Variants in ATP9B observed in about 807,000 individuals in gnomAD.
ATP9B encodes the protein ATPase phospholipid transporting 9B, also known as probable phospholipid-transporting ATPase IIB.
A neutral mutation model predicts 146.1 loss-of-function variants in ATP9B; 110 were observed. That is an observed-to-expected ratio of 0.75 (90% confidence interval 0.65 to 0.88). The LOEUF (loss-of-function observed/expected upper bound fraction) is 0.88, where lower values mean the gene tolerates loss of function less well. ATP9B is among the 40% of genes least tolerant of loss of function. The pLI is 0.00. For missense variants in ATP9B, 1,499 were observed against 1,496.4 expected, an observed-to-expected ratio of 1.00 and a Z score of -0.03; for synonymous variants, 604 against 569.7, an observed-to-expected ratio of 1.06 and a Z score of -0.86.
chr18:79,176,767 T>G (rs970315248), intron 7 of ATP9B, 46 bp from the exon 8 acceptor site: 1 of 1,535,118 alleles, frequency 6.5e-7, no homozygotes, highest in Non-Finnish European at 9.0e-7. Context: ...GGAAAAACCT[T>G]CTGTAACAAT....
chr18:79,306,740 G>C lies in ATP9B; in HGVS notation c.1525-246G>C, dbSNP rs533029356. ...TGAATACAGTAAAAATAAATTGTCAGATTTTTAAGTAGTATAGTGAATATT... is the reference window on the plus strand; with the variant it reads ...TGAATACAGTAAAAATAAATTGTCACATTTTTAAGTAGTATAGTGAATATT... On this transcript the variant is annotated intron_variant, in intron 14 of 29. Coordinates refer to ENST00000426216, the MANE Select transcript of ATP9B (RefSeq NM_198531.5). Among the ~76,000 whole-genome samples the C allele has an allele frequency of 4.6e-5, 7 of 152,260 alleles. 1 individual carries two copies. The highest frequency in any genetic ancestry group is 1.7e-4 in the African/African-American group (7 of 41,542).
intron 11 of ATP9B, among the ~76,000 whole-genome samples, chr18:79,249,508 CGTAATTACT>C (rs1327225052): frequency 2.3e-4 from 35 of 152,164 alleles, no homozygotes; most frequent in African/African-American, 8.4e-4. Flanking sequence ...CTTAAATAGT[CGTAATTACT>C]TCAAGTGATT....
chr18:79,300,381 G>A (rs1599764549), intron 13 of ATP9B, among the ~76,000 whole-genome samples: 2 of 152,138 alleles, frequency 1.3e-5, no homozygotes, highest in East Asian at 3.9e-4. Context: ...GCAAAGTGAG[G>A]AGGCTGAGTG....
rs1176620096 is a variant in ATP9B, at chr18:79,329,315, G to A, written c.1935+13G>A. On this transcript the variant is annotated intron_variant, in intron 16 of 29. Coordinates refer to ENST00000426216, the MANE Select transcript of ATP9B (RefSeq NM_198531.5). ...CGTCATCGTCAGGGTGAGGCTGCGG[G>A]GAGGGTGCCACGCGATGGCTTCAGA... is the stretch of plus-strand genomic sequence containing the variant. 1.3e-6 allele frequency: 2 copies of A among 1,579,700 alleles called. No individual in the cohort carries two copies. Among genetic ancestry groups the A allele is most frequent in the African/African-American group, 1.4e-5 (1 of 73,522 alleles).
At chr18:79,098,268 C>G (rs1388048223) in intron 2 of ATP9B, among the ~76,000 whole-genome samples, 2 of 151,510 alleles carry the variant, frequency 1.3e-5, no homozygotes, top group Non-Finnish European at 2.9e-5. Flanking sequence ...AGACCTAAAA[C>G]CATAAAAACC....
chr18:79,190,941 C>G (rs932430416), intron 8 of ATP9B, among the ~76,000 whole-genome samples: 2 of 152,100 alleles, frequency 1.3e-5, no homozygotes, highest in Non-Finnish European at 2.9e-5. Flanking sequence ...TTGTTCCTTA[C>G]CATTCCTTCT....
intron 1 of ATP9B, among the ~76,000 whole-genome samples, chr18:79,090,341 A>G (rs1263582173): frequency 6.6e-6 from 1 of 152,168 alleles, no homozygotes; most frequent in Non-Finnish European, 1.5e-5. Context: ...TTTTTTAGGA[A>G]CTTTCAAACT....
chr18:79,254,915 A>C (rs1217799654), intron 12 of ATP9B: 1 of 152,228 alleles, frequency 6.6e-6, no homozygotes, highest in Non-Finnish European at 1.5e-5. Flanking sequence ...ACTTGCTATC[A>C]TAGCAGCCTA....
At chr18:79,287,584 T>G (rs1172890183) in intron 13 of ATP9B, among the ~76,000 whole-genome samples, 1 of 151,408 alleles carries the variant, frequency 6.6e-6, no homozygotes, top group Non-Finnish European at 1.5e-5. Context: ...GATTCATTAA[T>G]TTTTTGAAGG....
intron 1 of ATP9B, among the ~76,000 whole-genome samples, chr18:79,079,418 CAT>C (rs1290170515): frequency 1.3e-5 from 2 of 152,110 alleles, no homozygotes; most frequent in Admixed American, 6.6e-5. Flanking sequence ...AGCTTTTCTT[CAT>C]ATGTTTGTCG....
chr18:79,290,555 C>T (rs554734662), intron 13 of ATP9B, among the ~76,000 whole-genome samples: 1 of 152,340 alleles, frequency 6.6e-6, no homozygotes, highest in East Asian at 1.9e-4. Flanking sequence ...ACTCCCTGAC[C>T]CTTGCTCTTC....
intron 15 of ATP9B, among the ~76,000 whole-genome samples, chr18:79,315,787 T>C (rs1214502327): frequency 6.6e-6 from 1 of 152,262 alleles, no homozygotes; most frequent in Non-Finnish European, 1.5e-5. Flanking sequence ...AGTGCAAGTG[T>C]GTAAACAAAT....
At chr18:79,351,996 G>A (rs2096924852) in intron 25 of ATP9B, among the ~76,000 whole-genome samples, 1 of 152,100 alleles carries the variant, frequency 6.6e-6, no homozygotes. Context: ...AACCTCTGTA[G>A]GGTGCAGCAT....
chr18:79,328,419 T>C (rs776293297), intron 15 of ATP9B, among the ~76,000 whole-genome samples: 12 of 152,262 alleles, frequency 7.9e-5, no homozygotes, highest in Non-Finnish European at 1.8e-4. Context: ...TAAATAATTA[T>C]CAATAAGAAT....
At chr18:79,279,653 A>T (rs550717268) in intron 13 of ATP9B, among the ~76,000 whole-genome samples, 1 of 152,260 alleles carries the variant, frequency 6.6e-6, no homozygotes, top group South Asian at 2.1e-4. Context: ...CAAAAAGTAT[A>T]AAATCATTAA....
At chr18:79,359,709 A>G in intron 26 of ATP9B, 1 of 461,610 alleles carries the variant, frequency 2.2e-6, no homozygotes, top group Admixed American at 3.3e-5. Flanking sequence ...CTCTAATATC[A>G]TACATACAAT....
chr18:79,216,539 A>G (rs150683990), intron 11 of ATP9B, among the ~76,000 whole-genome samples: 1 of 152,314 alleles, frequency 6.6e-6, no homozygotes, highest in Non-Finnish European at 1.5e-5. Context: ...AAAGGTTTTC[A>G]GTGTGGTAAT....
chr18:79,194,372 A>G (rs534724398), intron 9 of ATP9B: 3 of 152,306 alleles, frequency 2.0e-5, no homozygotes, highest in Non-Finnish European at 2.9e-5. Context: ...TATATTGCTC[A>G]TGACTTTGAA....
chr18:79,266,189 A>T (rs1192101867), intron 12 of ATP9B, among the ~76,000 whole-genome samples: 1 of 152,062 alleles, frequency 6.6e-6, no homozygotes, highest in African/African-American at 2.4e-5. Context: ...AGTCTTCTCA[A>T]ATTTTGTTAG....
Sources: allele counts gnomAD v4.1 joint callset (sites outside exome capture counted in the v4.1 genomes callset), GRCh38; gene constraint gnomAD v4.1.1; transcripts MANE v1.5; gene names NCBI Gene and HGNC (gene_info 2026-07-23, HGNC 2026-07-21).